The following NUDT9 variants were observed in gnomAD, a reference collection of about 807,000 sequenced individuals.
The protein encoded by NUDT9 is ADP-ribose pyrophosphatase.
Under a neutral mutation model 41.0 loss-of-function variants are expected in NUDT9, and 31 were observed. The ratio of observed to expected loss-of-function variants is 0.76; its 90% CI spans 0.57 to 1.02. The LOEUF is 1.02. Among genes scored for constraint, NUDT9 ranks in the 50% least tolerant of loss-of-function variants. The pLI, the probability that NUDT9 is intolerant of heterozygous loss-of-function variation, is 0.00. For missense variants in NUDT9, 380 were observed against 431.4 expected (o/e 0.88, Z 1.06); for synonymous variants, 146 against 147.6 (o/e 0.99, Z 0.08).
At chr4:87,438,427 G>A (rs926931443) in intron 3 of NUDT9, 55 bp downstream of exon 3, 2 of 945,616 alleles carry the variant, frequency 2.1e-6, no homozygotes, top group Non-Finnish European at 3.4e-6. Context: ...AAGTAGAAAA[G>A]ATAGTTCATA....
chr4:87,441,501 T>G (rs1560793759), intron 3 of NUDT9, among the ~76,000 whole-genome samples: 1 of 152,100 alleles, frequency 6.6e-6, no homozygotes, highest in African/African-American at 2.4e-5. Flanking sequence ...TGAAGAGAGA[T>G]CTAGGTGTTC....
chr4:87,451,170 T>C (rs1428285754), intron 5 of NUDT9, among the ~76,000 whole-genome samples: 1 of 152,152 alleles, frequency 6.6e-6, no homozygotes, highest in African/African-American at 2.4e-5. Flanking sequence ...GAAAAGCATC[T>C]TGGATAGAGA....
At chr4:87,448,386 C>CA in intron 4 of NUDT9, among the ~76,000 whole-genome samples, 1 of 152,206 alleles carries the variant, frequency 6.6e-6, no homozygotes, top group Non-Finnish European at 1.5e-5. Flanking sequence ...TCAGGTGATC[C>CA]ACCCACCTTG....
chr4:87,442,394 T>A (rs904972704), intron 4 of NUDT9, among the ~76,000 whole-genome samples: 2 of 152,200 alleles, frequency 1.3e-5, no homozygotes, highest in Non-Finnish European at 2.9e-5. Context: ...GGACTGGAAG[T>A]TGATCTGGGT....
At chr4:87,428,644 A>C (rs1467422848) in intron 1 of NUDT9, among the ~76,000 whole-genome samples, 1 of 152,236 alleles carries the variant, frequency 6.6e-6, no homozygotes, top group Non-Finnish European at 1.5e-5. Context: ...GATTCCAACT[A>C]TATGGCATTC....
chr4:87,453,404 TAG>T (rs1722841123), intron 6 of NUDT9, among the ~76,000 whole-genome samples: 1 of 152,052 alleles, frequency 6.6e-6, no homozygotes, highest in African/African-American at 2.4e-5. Context: ...ATTCTGAAAT[TAG>T]AGTTTGAAGT....
At chr4:87,457,755 G>A in intron 7 of NUDT9, 88 bp from the exon 8 acceptor site, 1 of 1,197,358 alleles carries the variant, frequency 8.4e-7, no homozygotes, top group Admixed American at 2.1e-5. Context: ...GATGATATAA[G>A]ATTATTTTAA....
chr4:87,449,041 C>T (rs546900750), intron 4 of NUDT9, 101 bp from the exon 5 acceptor site: 2 of 642,118 alleles, frequency 3.1e-6, no homozygotes, highest in Admixed American at 5.5e-5. Flanking sequence ...TTTATATATA[C>T]TCTGCTTTAA....
chr4:87,446,018 C>A (rs1448419044), intron 4 of NUDT9, among the ~76,000 whole-genome samples: 1 of 151,468 alleles, frequency 6.6e-6, no homozygotes, highest in African/African-American at 2.4e-5. Flanking sequence ...CCCACCTCGG[C>A]TTCCCAAAGT....
intron 4 of NUDT9, among the ~76,000 whole-genome samples, chr4:87,444,054 T>C (rs765994194): frequency 5.9e-5 from 9 of 152,212 alleles, no homozygotes; most frequent in Non-Finnish European, 1.2e-4. Context: ...GAATCATCTT[T>C]CTAATGTACC....
Position 87,437,316 on chromosome 4 carries a change from A to G in NUDT9, c.348-961A>G, listed in dbSNP as rs919410981. 9.9e-5 allele frequency among the ~76,000 whole-genome samples: 15 copies of G among 151,204 alleles called. No homozygotes were observed. The East Asian group carries it at 2.9e-3, about 29-fold the overall frequency. On this transcript the variant is annotated intron_variant, in intron 2 of 7. Coordinates refer to ENST00000302174, the MANE Select transcript of NUDT9 (RefSeq NM_024047.5). ...TTTTGTGGCATGATACAAATATAGTAAAGTGCACATTTCTTTATTTTTATT... is the reference window on the plus strand; with the variant it reads ...TTTTGTGGCATGATACAAATATAGTGAAGTGCACATTTCTTTATTTTTATT...
intron 1 of NUDT9, among the ~76,000 whole-genome samples, chr4:87,428,888 C>A (rs1056266258): frequency 6.6e-6 from 1 of 152,162 alleles, no homozygotes; most frequent in Non-Finnish European, 1.5e-5. Flanking sequence ...ATTGAACCTA[C>A]ATTGACGCTT....
intron 3 of NUDT9, among the ~76,000 whole-genome samples, chr4:87,438,972 G>GC (rs918837605): frequency 6.6e-6 from 1 of 152,050 alleles, no homozygotes. Context: ...TTTAAGACCA[G>GC]CCTGACCAAC....
chr4:87,454,571 G>A (rs961067374), intron 7 of NUDT9, 116 bp downstream of exon 7: 2 of 660,946 alleles, frequency 3.0e-6, no homozygotes, highest in Non-Finnish European at 5.3e-6. Context: ...ACTGTTGATT[G>A]TAGGACTGTA....
At chr4:87,446,015 C>T (rs12651034) in intron 4 of NUDT9, among the ~76,000 whole-genome samples, 37,840 of 150,972 alleles carry the variant, frequency 0.25, 4,831 homozygotes, top group African/African-American at 0.29. Context: ...CCTCCCACCT[C>T]GGCTTCCCAA....
At position 87,441,918 on chromosome 4, in the gene NUDT9, A is replaced by G. The variant is rs1381345691; in HGVS notation, c.530+3A>G. On this transcript the variant is annotated splice_donor_region_variant and intron_variant, in intron 4 of 7. Transcript: ENST00000302174. The stretch of plus-strand genomic sequence containing the variant: ...GCTGCAGATCCCATTATAACCAGGT[A>G]AGAACCAATAAAAAGCATATCAGTA... 13 of 1,588,580 alleles carry G rather than the reference A, an allele frequency of 8.2e-6. No homozygotes were observed. The highest frequency in any genetic ancestry group is 1.4e-5 in the African/African-American group (1 of 73,500).
chr4:87,445,720 T>G (rs1722415386), intron 4 of NUDT9, among the ~76,000 whole-genome samples: 1 of 152,188 alleles, frequency 6.6e-6, no homozygotes, highest in Non-Finnish European at 1.5e-5. Flanking sequence ...TAAATGTTTA[T>G]TAGGTTCGTC....
rs373108108 is a variant in NUDT9, at chr4:87,438,330, A to G, written c.401A>G (p.Lys134Arg). The change falls in exon 3 of 8, where the codon AAG becomes AGG. Residue 134 changes from lysine to arginine, a missense_variant. Physicochemically the swap from Lys to Arg is conservative, Grantham distance 26. Coordinates refer to ENST00000302174, the MANE Select transcript of NUDT9 (RefSeq NM_024047.5). ...GAAAAGGATGGGCATGTTGAGAGAA[A>G]GAGCAAGAATGGCCTGTATGAGATT... ...FNEKDGHVER[K>R]SKNGLYEIEN... 6.2e-7 allele frequency: 1 copy of G among 1,612,104 alleles called. No homozygotes were observed. The highest frequency in any genetic ancestry group is 1.3e-5 in the African/African-American group (1 of 74,990).
At chr4:87,434,090 T>C (rs1168693303) in intron 1 of NUDT9, 1 of 152,252 alleles carries the variant, frequency 6.6e-6, no homozygotes, top group Non-Finnish European at 1.5e-5. Context: ...AGTCTCGCTC[T>C]GTCGCCCAGG....
Sources: allele counts gnomAD v4.1 joint callset (sites outside exome capture counted in the v4.1 genomes callset), GRCh38; gene constraint gnomAD v4.1.1; transcripts MANE v1.5; gene names NCBI Gene and HGNC (gene_info 2026-07-23, HGNC 2026-07-21).